Variants in CAPN8 observed in about 807,000 individuals in gnomAD.
CAPN8 encodes the protein calpain-8.
A neutral mutation model predicts 80.9 loss-of-function variants in CAPN8; 87 were observed. The ratio of observed to expected loss-of-function variants is 1.07; its 90% CI spans 0.90 to 1.28. The LOEUF (loss-of-function observed/expected upper bound fraction) is 1.28, where lower values mean the gene tolerates loss of function less well. CAPN8 is among the 50% of genes most tolerant of loss of function. The pLI, the probability that CAPN8 is intolerant of heterozygous loss-of-function variation, is 0.00. For synonymous variants in CAPN8, 299 were observed against 273.8 expected, an observed-to-expected ratio of 1.09 and a Z score of -0.91; for missense variants, 757 against 702.0, an observed-to-expected ratio of 1.08 and a Z score of -0.89.
At chr1:223,625,659 G>A (rs887916200) in intron 6 of CAPN8, 146 bp downstream of exon 6, 17 of 635,352 alleles carry the variant, frequency 2.7e-5, no homozygotes, top group Non-Finnish European at 2.0e-5. Flanking sequence ...TTCTGTACAG[G>A]CAGAGTGCAT....
chr1:223,631,710 G>A (rs1021712046), intron 2 of CAPN8, among the ~76,000 whole-genome samples: 3 of 152,192 alleles, frequency 2.0e-5, no homozygotes, highest in Non-Finnish European at 4.4e-5. Flanking sequence ...CCAAGTCTGT[G>A]GGGAAGTGGC....
chr1:223,639,683 G>A (rs916790743), intron 2 of CAPN8, among the ~76,000 whole-genome samples: 2 of 152,244 alleles, frequency 1.3e-5, no homozygotes, highest in African/African-American at 4.8e-5. Flanking sequence ...TTTGAGGGCT[G>A]CCCAAATCAT....
chr1:223,651,316 G>A (rs1212618861), intron 2 of CAPN8, among the ~76,000 whole-genome samples: 1 of 152,178 alleles, frequency 6.6e-6, no homozygotes, highest in Non-Finnish European at 1.5e-5. Context: ...CTTAAATGGA[G>A]GTAAAATCAT....
At chr1:223,631,691 C>T (rs529382361) in intron 2 of CAPN8, among the ~76,000 whole-genome samples, 1 of 152,310 alleles carries the variant, frequency 6.6e-6, no homozygotes, top group South Asian at 2.1e-4. Context: ...ATATTTGCAC[C>T]TCAGCCTCCC....
At chr1:223,545,989 A>AT (rs35357819) in intron 16 of CAPN8, among the ~76,000 whole-genome samples, 10,104 of 111,350 alleles carry the variant, frequency 0.091, 611 homozygotes, top group African/African-American at 0.12. Flanking sequence ...TACTCCACTA[A>AT]TTTTTTTTTT....
At chr1:223,661,342 G>A (rs1449414053) in intron 1 of CAPN8, among the ~76,000 whole-genome samples, 1 of 151,902 alleles carries the variant, frequency 6.6e-6, no homozygotes, top group East Asian at 1.9e-4. Context: ...TCAAAAAACA[G>A]AAAATGGCTG....
At chr1:223,631,396 C>T (rs975564107) in intron 2 of CAPN8, among the ~76,000 whole-genome samples, 1 of 152,160 alleles carries the variant, frequency 6.6e-6, no homozygotes, top group Non-Finnish European at 1.5e-5. Context: ...TTCCTTACCC[C>T]TATCCCTGGC....
intron 10 of CAPN8, 199 bp downstream of exon 10, chr1:223,615,771 A>C: frequency 2.8e-6 from 2 of 705,442 alleles, no homozygotes; most frequent in Non-Finnish European, 5.1e-6. Flanking sequence ...AACAGCAGAG[A>C]CTTAAGCCAT....
intron 1 of CAPN8, among the ~76,000 whole-genome samples, chr1:223,664,150 G>C (rs1658726083): frequency 6.6e-6 from 1 of 152,152 alleles, no homozygotes; most frequent in African/African-American, 2.4e-5. Flanking sequence ...GTTTTGGGAG[G>C]ACTGTTCTCC....
intron 2 of CAPN8, among the ~76,000 whole-genome samples, chr1:223,631,415 C>A (rs1034329854): frequency 3.9e-5 from 6 of 152,096 alleles, no homozygotes; most frequent in African/African-American, 1.4e-4. Context: ...GCCTGTCTTA[C>A]CAGCACCAAG....
chr1:223,664,901 C>T (rs975102746), intron 1 of CAPN8, among the ~76,000 whole-genome samples: 1 of 152,156 alleles, frequency 6.6e-6, no homozygotes, highest in African/African-American at 2.4e-5. Flanking sequence ...GATCGCACCA[C>T]TGCACTCCAG....
intron 6 of CAPN8, 145 bp downstream of exon 6, chr1:223,625,660 C>G: frequency 1.6e-6 from 1 of 638,966 alleles, no homozygotes; most frequent in South Asian, 1.8e-5. Context: ...TCTGTACAGG[C>G]AGAGTGCATC....
At chr1:223,645,694 G>A (rs1658172523) in intron 2 of CAPN8, among the ~76,000 whole-genome samples, 1 of 152,182 alleles carries the variant, frequency 6.6e-6, no homozygotes, top group African/African-American at 2.4e-5. Flanking sequence ...AGGGCACAAG[G>A]CTGGGGGCCA....
chr1:223,643,752 G>A (rs973993823), intron 2 of CAPN8, among the ~76,000 whole-genome samples: 6 of 152,180 alleles, frequency 3.9e-5, no homozygotes, highest in African/African-American at 1.4e-4. Context: ...GAAGCTCAAC[G>A]CACATCACAG....
In CAPN8 at chr1:223,619,296, G is replaced by T; in HGVS notation, c.1132C>A (p.Pro378Thr). 1 of 1,551,648 alleles carries T rather than the reference G, an allele frequency of 6.4e-7. No homozygotes were observed. Among genetic ancestry groups the T allele is most frequent in the Non-Finnish European group, 8.7e-7 (1 of 1,146,992 alleles). Reference sequence around the variant, plus strand: ...CCAAGGCAGCCCTTCACCTTACCTGGGTAGTTCTGGCAGCCCCCAGCTGTG... The same window carrying T: ...CCAAGGCAGCCCTTCACCTTACCTGTGTAGTTCTGGCAGCCCCCAGCTGTG... Reference protein sequence around the residue: ...GSTAGGCQNYPATYWTNPQFK... With the variant: ...GSTAGGCQNYTATYWTNPQFK... The change falls in exon 9 of 21, where the codon CCA (proline) becomes ACA (threonine). Residue 378 changes from proline to threonine, a missense_variant. Physicochemically the swap from Pro to Thr is conservative, Grantham distance 38 (BLOSUM62 -1). Coordinates refer to ENST00000366872, the MANE Select transcript of CAPN8 (RefSeq NM_001143962.2).
Position 223,654,387 on chromosome 1 carries a change from T to G in CAPN8, c.250A>C (p.Ser84Arg). Residue 84 changes from serine to arginine, a missense_variant, in exon 2 of 21, where the codon AGC becomes CGC. Physicochemically the swap from Ser to Arg is moderately radical, Grantham distance 110. Transcript: ENST00000366872. ...IWKRPTELCP[S>R]PQFIVGGATR... ...GCTCCACCAACGATAAACTGAGGGC[T>G]GGGACACAACTCCTGAAAGTAATTT... 1 of 1,551,690 alleles carries G rather than the reference T, an allele frequency of 6.4e-7. No individual in the cohort carries two copies. The highest frequency in any genetic ancestry group is 2.4e-5 in the East Asian group (1 of 40,922).
At chr1:223,637,487 G>A (rs1657932962) in intron 2 of CAPN8, among the ~76,000 whole-genome samples, 1 of 152,154 alleles carries the variant, frequency 6.6e-6, no homozygotes, top group Non-Finnish European at 1.5e-5. Context: ...TGACCAGGTG[G>A]CACATGGGAC....
At chr1:223,658,840 G>C (rs530959119) in intron 1 of CAPN8, among the ~76,000 whole-genome samples, 1 of 152,200 alleles carries the variant, frequency 6.6e-6, no homozygotes, top group African/African-American at 2.4e-5. Context: ...CCCCAGCTTT[G>C]CAAGGAGATT....
chr1:223,629,018 A>G (rs576633854), intron 2 of CAPN8: 2 of 504,122 alleles, frequency 4.0e-6, no homozygotes, highest in Non-Finnish European at 7.1e-6. Context: ...CCCCTCCCCC[A>G]CATGCTGATC....
Sources: allele counts gnomAD v4.1 joint callset (sites outside exome capture counted in the v4.1 genomes callset), GRCh38; gene constraint gnomAD v4.1.1; transcripts MANE v1.5; gene names NCBI Gene and HGNC (gene_info 2026-07-23, HGNC 2026-07-21).